FRMD4A: variants seen among roughly 807,000 people sequenced by gnomAD.
The protein encoded by FRMD4A is FERM domain-containing protein 4A.
A neutral mutation model predicts 129.1 loss-of-function variants in FRMD4A; 29 were observed. That is an observed-to-expected ratio of 0.22 (90% CI 0.17 to 0.31). FRMD4A has a LOEUF of 0.31. Among genes scored for constraint, FRMD4A ranks in the 10% least tolerant of loss-of-function variants. The pLI is 1.00. For synonymous variants in FRMD4A, 634 were observed against 571.6 expected, an observed-to-expected ratio of 1.11 and a Z score of -1.56; for missense variants, 1,272 against 1,375.8, an observed-to-expected ratio of 0.92 and a Z score of 1.19.
chr10:13,736,376 T>C (rs1028883717), intron 12 of FRMD4A, among the ~76,000 whole-genome samples: 1 of 152,068 alleles, frequency 6.6e-6, no homozygotes, highest in African/African-American at 2.4e-5. Flanking sequence ...TCCAATTCAT[T>C]TCTTGTTGCA....
chr10:13,696,027 T>C (rs1008555977), intron 14 of FRMD4A, among the ~76,000 whole-genome samples: 4 of 152,158 alleles, frequency 2.6e-5, no homozygotes, highest in Admixed American at 2.0e-4. Flanking sequence ...GTGTGAATTG[T>C]CTTCCTCCTC....
chr10:13,650,720 TTCAAAAG>T (rs2081507436), intron 24 of FRMD4A, among the ~76,000 whole-genome samples: 1 of 152,158 alleles, frequency 6.6e-6, no homozygotes, highest in African/African-American at 2.4e-5. Flanking sequence ...TAACTTACTT[TTCAAAAG>T]TCCAGTTTTT....
At chr10:13,873,623 T>G (rs1462341641) in intron 2 of FRMD4A, among the ~76,000 whole-genome samples, 1 of 152,302 alleles carries the variant, frequency 6.6e-6, no homozygotes, top group South Asian at 2.1e-4. Flanking sequence ...CTCAGCTCAC[T>G]GCAACCTCTG....
chr10:13,908,775 G>A (rs74627986), intron 2 of FRMD4A, among the ~76,000 whole-genome samples: 1 of 152,148 alleles, frequency 6.6e-6, no homozygotes, highest in Non-Finnish European at 1.5e-5. Context: ...GTTATCAGTA[G>A]CATTGCCAGA....
intron 6 of FRMD4A, among the ~76,000 whole-genome samples, chr10:13,773,718 T>C (rs2092522803): frequency 6.6e-6 from 1 of 152,242 alleles, no homozygotes; most frequent in South Asian, 2.1e-4. Context: ...CATCTTCTTC[T>C]GTCAGTGCAG....
Position 13,693,880 on chromosome 10 carries a change from C to A in FRMD4A, c.1117+18G>T. 1 of 1,608,390 alleles carries A rather than the reference C, an allele frequency of 6.2e-7. No homozygotes were observed. The highest frequency in any genetic ancestry group is 8.5e-7 in the Non-Finnish European group (1 of 1,178,024). ...CAGCCATGCTCAGGGGGCGTCCCTC[C>A]AGCTGGCCTCTGCCTACCTGAAGAC... On this transcript the variant is annotated intron_variant, in intron 15 of 24. Transcript: ENST00000357447.
At chr10:13,819,699 C>CT (rs769973791) in intron 3 of FRMD4A, among the ~76,000 whole-genome samples, 4,726 of 131,804 alleles carry the variant, frequency 0.036, 290 homozygotes, top group African/African-American at 0.12. Context: ...ATATTGTCTC[C>CT]TTTTTTTTTT....
intron 2 of FRMD4A, among the ~76,000 whole-genome samples, chr10:13,986,138 T>C (rs1281010594): frequency 6.6e-6 from 1 of 152,126 alleles, no homozygotes; most frequent in African/African-American, 2.4e-5. Context: ...CCTCCCTTCC[T>C]GTGGTCCCAG....
At chr10:14,010,225 C>T (rs751184817) in intron 2 of FRMD4A, among the ~76,000 whole-genome samples, 1 of 152,200 alleles carries the variant, frequency 6.6e-6, no homozygotes, top group Non-Finnish European at 1.5e-5. Flanking sequence ...TGACTAAATG[C>T]AACTTCCTGT....
At chr10:13,924,743 C>T (rs776105240) in intron 2 of FRMD4A, among the ~76,000 whole-genome samples, 4 of 152,052 alleles carry the variant, frequency 2.6e-5, no homozygotes, top group East Asian at 1.9e-4. Flanking sequence ...TTATTCTCGG[C>T]GTTATCCCTG....
At chr10:14,028,176 C>G (rs143656845) in intron 2 of FRMD4A, among the ~76,000 whole-genome samples, 267 of 152,246 alleles carry the variant, frequency 1.8e-3, no homozygotes, top group African/African-American at 6.3e-3. Context: ...ATACTTATAT[C>G]AAATGTGAAC....
intron 2 of FRMD4A, among the ~76,000 whole-genome samples, chr10:14,063,150 A>T (rs977595523): frequency 6.7e-6 from 1 of 150,312 alleles, no homozygotes; most frequent in African/African-American, 2.4e-5. Context: ...TGCAGACATG[A>T]CTATTTCTAT....
chr10:14,189,393 A>G (rs188676210), intron 2 of FRMD4A, among the ~76,000 whole-genome samples: 138 of 152,188 alleles, frequency 9.1e-4, no homozygotes, highest in African/African-American at 3.2e-3. Context: ...GACCAATATG[A>G]TGAAACCTGG....
At chr10:14,320,419 T>C (rs1474498267) in intron 2 of FRMD4A, among the ~76,000 whole-genome samples, 1 of 152,194 alleles carries the variant, frequency 6.6e-6, no homozygotes, top group Non-Finnish European at 1.5e-5. Flanking sequence ...CATTTCCTCC[T>C]GAATTTCCTG....
rs187461480 is a variant in FRMD4A, at chr10:13,948,006, G to A, written c.46-89094C>T. 6.1e-3 allele frequency among the ~76,000 whole-genome samples: 918 copies of A among 151,552 alleles called. 5 individuals are homozygous for A. The highest frequency in any genetic ancestry group is 7.4e-3 in the Non-Finnish European group (505 of 67,894). On this transcript the variant is annotated intron_variant, in intron 2 of 24. Coordinates refer to ENST00000357447, the MANE Select transcript of FRMD4A (RefSeq NM_018027.5). Reference sequence around the variant, plus strand: ...GAGGCCAGGGATTCAAGACCAGCCTGGGCAAAAATAGGGAGATCTTGCCTC... The same window carrying A: ...GAGGCCAGGGATTCAAGACCAGCCTAGGCAAAAATAGGGAGATCTTGCCTC...
chr10:13,799,663 G>A (rs2093209449), intron 4 of FRMD4A, among the ~76,000 whole-genome samples: 1 of 152,118 alleles, frequency 6.6e-6, no homozygotes, highest in Non-Finnish European at 1.5e-5. Flanking sequence ...CATGCGCCTG[G>A]CCTTCACTCA....
At chr10:13,680,738 TA>T (rs930350895) in intron 15 of FRMD4A, among the ~76,000 whole-genome samples, 10 of 150,882 alleles carry the variant, frequency 6.6e-5, no homozygotes, top group African/African-American at 1.7e-4. Flanking sequence ...AAAAAAAATT[TA>T]AAAAAAAGTT....
intron 2 of FRMD4A, among the ~76,000 whole-genome samples, chr10:14,213,934 A>G (rs994289231): frequency 6.6e-6 from 1 of 152,206 alleles, no homozygotes; most frequent in Non-Finnish European, 1.5e-5. Context: ...ATCTGCCCCC[A>G]TGTAAGACAT....
intron 9 of FRMD4A, among the ~76,000 whole-genome samples, chr10:13,742,215 C>T (rs943093): frequency 0.63 from 95,442 of 152,006 alleles, 31,040 homozygotes; most frequent in East Asian, 0.95. Context: ...GTGGCAAGCC[C>T]GCCTCCTGAG....
Sources: allele counts gnomAD v4.1 joint callset (sites outside exome capture counted in the v4.1 genomes callset), GRCh38; gene constraint gnomAD v4.1.1; transcripts MANE v1.5; gene names NCBI Gene and HGNC (gene_info 2026-07-23, HGNC 2026-07-21).